Variants in TMEM108 observed in about 807,000 individuals in gnomAD.
The protein encoded by TMEM108 is cancer/testis antigen 124.
In TMEM108, 12 loss-of-function variants were observed where a neutral mutation model predicts 35.1. The ratio of observed to expected loss-of-function variants is 0.34; its 90% CI spans 0.22 to 0.55. TMEM108 has a LOEUF of 0.55. Ranked by LOEUF, TMEM108 falls within the 20% of genes least tolerant of loss-of-function variation. The pLI, the probability that TMEM108 is intolerant of heterozygous loss-of-function variation, is 0.89. For synonymous variants in TMEM108, 287 were observed against 308.6 expected (o/e 0.93, Z 0.73); for missense variants, 680 against 753.3 (o/e 0.90, Z 1.14).
chr3:133,231,540 A>G (rs1456510134), intron 3 of TMEM108, among the ~76,000 whole-genome samples: 2 of 152,172 alleles, frequency 1.3e-5, no homozygotes, highest in African/African-American at 2.4e-5. Context: ...AGCTACCAGT[A>G]TGAGGCTTGG....
chr3:133,378,116 GA>G (rs914359720), intron 3 of TMEM108, among the ~76,000 whole-genome samples: 2 of 152,142 alleles, frequency 1.3e-5, no homozygotes, highest in South Asian at 4.1e-4. Context: ...TGAAAGTTTA[GA>G]AAAAAATAGA....
chr3:133,189,257 A>G (rs1257749944), intron 2 of TMEM108, among the ~76,000 whole-genome samples: 2 of 152,158 alleles, frequency 1.3e-5, no homozygotes, highest in Non-Finnish European at 2.9e-5. Context: ...CTGCTTCTGT[A>G]TTATTCTATT....
intron 2 of TMEM108, among the ~76,000 whole-genome samples, chr3:133,143,921 C>CTTTTA (rs3078779): frequency 0.14 from 18,561 of 130,962 alleles, 1,524 homozygotes; most frequent in Middle Eastern, 0.2. Flanking sequence ...GGAAGGCTCA[C>CTTTTA]TTTTATTTTA....
chr3:133,145,210 T>C (rs547084051), intron 2 of TMEM108, among the ~76,000 whole-genome samples: 2 of 152,382 alleles, frequency 1.3e-5, no homozygotes, highest in African/African-American at 2.4e-5. Flanking sequence ...ATACCTGTTA[T>C]TAAATAGGAA....
chr3:133,331,019 T>C (rs1576459605), intron 3 of TMEM108, among the ~76,000 whole-genome samples: 1 of 152,276 alleles, frequency 6.6e-6, no homozygotes, highest in African/African-American at 2.4e-5. Context: ...GGGATTTAGA[T>C]GAAACTAGAC....
At chr3:133,057,433 GTGTATATATATATATATATATATATA>G (rs1943480300) in intron 2 of TMEM108, among the ~76,000 whole-genome samples, 1 of 24,860 alleles carries the variant, frequency 4.0e-5, no homozygotes, top group Admixed American at 6.0e-4. Flanking sequence ...GTGTGTGTGT[GTGTATATATATATATATATATATATA>G]TATATATATA....
At chr3:133,089,065 C>T (rs953757443) in intron 2 of TMEM108, among the ~76,000 whole-genome samples, 1 of 151,582 alleles carries the variant, frequency 6.6e-6, no homozygotes, top group African/African-American at 2.4e-5. Context: ...TAAGTGGGGG[C>T]GGTGTTATAC....
In TMEM108 at chr3:133,308,661, G is replaced by A. The variant is rs557607727; in HGVS notation, c.41-71091G>A. Among the ~76,000 whole-genome samples the A allele has an allele frequency of 8.5e-5, 13 of 152,246 alleles. No homozygotes were observed. In the Middle Eastern group the frequency reaches 0.014, roughly 159 times the overall value. ...TGGTTCTGTTTATGTGATGGATTAC[G>A]TCTATTGATTTGCGTATGTTGAACC... On this transcript the variant is annotated intron_variant, in intron 3 of 5. Transcript: ENST00000321871.
intron 2 of TMEM108, among the ~76,000 whole-genome samples, chr3:133,180,044 T>C (rs1203702782): frequency 6.6e-6 from 1 of 152,156 alleles, no homozygotes. Context: ...TTAATTTTCA[T>C]AAGACTCCCT....
chr3:133,107,791 AC>A (rs769136417), intron 2 of TMEM108, among the ~76,000 whole-genome samples: 8 of 152,090 alleles, frequency 5.3e-5, no homozygotes, highest in Non-Finnish European at 8.8e-5. Context: ...CTAAGCCACA[AC>A]CTTTTTGGAA....
intron 2 of TMEM108, among the ~76,000 whole-genome samples, chr3:133,109,159 G>T (rs1366055432): frequency 6.6e-6 from 1 of 151,968 alleles, no homozygotes; most frequent in African/African-American, 2.4e-5. Flanking sequence ...GAAAGTGCTG[G>T]TTCTCACTGT....
At chr3:133,078,542 A>G (rs1351214048) in intron 2 of TMEM108, among the ~76,000 whole-genome samples, 1 of 151,790 alleles carries the variant, frequency 6.6e-6, no homozygotes, top group Non-Finnish European at 1.5e-5. Context: ...CAAGGCTGTA[A>G]CCCTCTGAAA....
intron 2 of TMEM108, among the ~76,000 whole-genome samples, chr3:133,101,634 T>A (rs1002094412): frequency 6.6e-6 from 1 of 152,244 alleles, no homozygotes; most frequent in Non-Finnish European, 1.5e-5. Flanking sequence ...TTTAAAAATA[T>A]TGGCTAAAAT....
chr3:133,278,088 C>T (rs1383306790), intron 3 of TMEM108, among the ~76,000 whole-genome samples: 2 of 152,188 alleles, frequency 1.3e-5, no homozygotes, highest in Non-Finnish European at 2.9e-5. Context: ...AGCTGCCACA[C>T]GGCATGAGAA....
chr3:133,073,093 T>A (rs1943695124), intron 2 of TMEM108, among the ~76,000 whole-genome samples: 1 of 152,182 alleles, frequency 6.6e-6, no homozygotes, highest in Non-Finnish European at 1.5e-5. Context: ...ATTAAGCTAA[T>A]TAAAATATGA....
chr3:133,262,581 A>G (rs1280600192), intron 3 of TMEM108, among the ~76,000 whole-genome samples: 2 of 152,232 alleles, frequency 1.3e-5, no homozygotes, highest in Non-Finnish European at 2.9e-5. Context: ...CTGTGCACCC[A>G]CCAACTAAGA....
At chr3:133,151,338 G>C (rs1382141225) in intron 2 of TMEM108, among the ~76,000 whole-genome samples, 1 of 152,146 alleles carries the variant, frequency 6.6e-6, no homozygotes, top group Non-Finnish European at 1.5e-5. Context: ...CTTGTCGAAT[G>C]AGTGGACAAA....
intron 2 of TMEM108, among the ~76,000 whole-genome samples, chr3:133,153,107 C>A: frequency 6.6e-6 from 1 of 152,070 alleles, no homozygotes. Context: ...ATCAAGTAGA[C>A]CATTGTGTCA....
At chr3:133,344,867 A>T (rs2071770009) in intron 3 of TMEM108, among the ~76,000 whole-genome samples, 1 of 151,872 alleles carries the variant, frequency 6.6e-6, no homozygotes, top group Non-Finnish European at 1.5e-5. Flanking sequence ...CTAGGAAAAA[A>T]ATCAACCAAA....
Sources: gnomAD v4.1 joint callset for allele counts (sites outside exome capture counted in the v4.1 genomes callset) on GRCh38, gnomAD v4.1.1 for gene constraint, MANE v1.5 for transcripts, NCBI Gene and HGNC (gene_info 2026-07-23, HGNC 2026-07-21) for gene names.